SIPA1L3: variants seen among roughly 807,000 people sequenced by gnomAD.
SIPA1L3 encodes the protein signal-induced proliferation-associated 1-like protein 3.
A neutral mutation model predicts 150.1 loss-of-function variants in SIPA1L3; 59 were observed. The observed-to-expected ratio is 0.39, with a 90% CI of 0.32 to 0.49. The LOEUF (loss-of-function observed/expected upper bound fraction) is 0.49. Ranked by LOEUF, SIPA1L3 falls within the 20% of genes least tolerant of loss-of-function variation. SIPA1L3 has a pLI of 0.86. For synonymous variants in SIPA1L3, 1,070 were observed against 1,077.6 expected, an observed-to-expected ratio of 0.99 and a Z score of 0.14; for missense variants, 2,211 against 2,489.5, an observed-to-expected ratio of 0.89 and a Z score of 2.38.
At chr19:37,911,184 G>T (rs980686897) in intron 1 of SIPA1L3, among the ~76,000 whole-genome samples, 1 of 152,102 alleles carries the variant, frequency 6.6e-6, no homozygotes, top group Non-Finnish European at 1.5e-5. Context: ...CTCTGCCCTT[G>T]TGATTTGGAC....
At chr19:38,145,967 G>C (rs1231040564) in intron 12 of SIPA1L3, among the ~76,000 whole-genome samples, 1 of 151,864 alleles carries the variant, frequency 6.6e-6, no homozygotes, top group African/African-American at 2.4e-5. Context: ...GGCCCAAGCA[G>C]TCCTCCCATC....
At chr19:38,149,974 G>A (rs1971782411) in intron 12 of SIPA1L3, among the ~76,000 whole-genome samples, 1 of 152,132 alleles carries the variant, frequency 6.6e-6, no homozygotes, top group African/African-American at 2.4e-5. Flanking sequence ...GCGACTTTTT[G>A]GGAAAACTGA....
At chr19:38,144,900 A>T (rs1971672005) in intron 12 of SIPA1L3, among the ~76,000 whole-genome samples, 1 of 152,234 alleles carries the variant, frequency 6.6e-6, no homozygotes, top group Non-Finnish European at 1.5e-5. Context: ...AGGGACTAAT[A>T]GGAGTCTGCG....
chr19:37,918,796 A>G (rs1255942246), intron 1 of SIPA1L3, among the ~76,000 whole-genome samples: 2 of 151,878 alleles, frequency 1.3e-5, no homozygotes, highest in African/African-American at 4.8e-5. Context: ...AAACGAACCC[A>G]GGAGGCAGAG....
At chr19:38,202,074 G>A in intron 20 of SIPA1L3, 77 bp downstream of exon 20, 1 of 1,444,630 alleles carries the variant, frequency 6.9e-7, no homozygotes, top group Non-Finnish European at 9.3e-7. Flanking sequence ...CCAGAGAGAG[G>A]CAGCCATGTG....
At chr19:38,100,825 G>A (rs1260855471) in intron 5 of SIPA1L3, among the ~76,000 whole-genome samples, 2 of 152,260 alleles carry the variant, frequency 1.3e-5, no homozygotes, top group Non-Finnish European at 2.9e-5. Flanking sequence ...GCGAGAAGAG[G>A]CGGCCTGGAT....
intron 2 of SIPA1L3, among the ~76,000 whole-genome samples, chr19:38,038,815 ATTCAG>A (rs955701213): frequency 2.0e-5 from 3 of 152,156 alleles, no homozygotes; most frequent in Admixed American, 2.0e-4. Context: ...CCCTTGACCA[ATTCAG>A]TTAGAGTTAC....
Position 37,981,493 on chromosome 19 carries a change from C to T in SIPA1L3, c.-378-47596C>T, listed in dbSNP as rs551602979. On this transcript the variant is annotated intron_variant, in intron 1 of 21. Coordinates refer to ENST00000222345, the MANE Select transcript of SIPA1L3 (RefSeq NM_015073.3). ...AATACCTGCTCTGCCACTTCTTGTCCGTGTTGAGCAGGTTACTTAACCTCT... is the reference window on the plus strand; with the variant it reads ...AATACCTGCTCTGCCACTTCTTGTCTGTGTTGAGCAGGTTACTTAACCTCT... Among the ~76,000 whole-genome samples the T allele has an allele frequency of 3.9e-5, 6 of 151,908 alleles. No homozygotes were observed. In the South Asian group the frequency reaches 6.2e-4, roughly 16 times the overall value.
chr19:38,065,696 A>G (rs2145788928), intron 2 of SIPA1L3, among the ~76,000 whole-genome samples: 1 of 152,154 alleles, frequency 6.6e-6, no homozygotes, highest in Non-Finnish European at 1.5e-5. Context: ...TGCTGGGATT[A>G]CAGGCGTGAT....
intron 2 of SIPA1L3, among the ~76,000 whole-genome samples, chr19:38,061,719 G>T (rs898836623): frequency 6.6e-6 from 1 of 151,850 alleles, no homozygotes; most frequent in African/African-American, 2.4e-5. Flanking sequence ...CAGAGATGGG[G>T]CGGAGATGAA....
At chr19:38,121,493 C>A (rs1388583326) in intron 9 of SIPA1L3, among the ~76,000 whole-genome samples, 1 of 150,844 alleles carries the variant, frequency 6.6e-6, no homozygotes, top group Non-Finnish European at 1.5e-5. Context: ...GTAATCCCAG[C>A]ACTTTGGGAG....
At chr19:38,042,405 G>A (rs1047890503) in intron 2 of SIPA1L3, among the ~76,000 whole-genome samples, 11 of 151,992 alleles carry the variant, frequency 7.2e-5, no homozygotes, top group Admixed American at 2.0e-4. Flanking sequence ...TTTTTATTTC[G>A]CAGTGTTGCT....
intron 2 of SIPA1L3, among the ~76,000 whole-genome samples, chr19:38,066,194 T>A (rs542509812): frequency 6.0e-5 from 9 of 150,964 alleles, no homozygotes; most frequent in Admixed American, 1.3e-4. Flanking sequence ...AAAAAAAAAA[T>A]TTTTGTAGAG....
intron 18 of SIPA1L3, among the ~76,000 whole-genome samples, chr19:38,196,270 G>A (rs1972929830): frequency 6.6e-6 from 1 of 152,218 alleles, no homozygotes; most frequent in South Asian, 2.1e-4. Context: ...CAGCTGAGCA[G>A]TGAGACGCCA....
intron 1 of SIPA1L3, among the ~76,000 whole-genome samples, chr19:38,002,683 C>CACTCCAGCCTGGTGACAGAGCGAG (rs1967834692): frequency 7.9e-6 from 1 of 125,886 alleles, no homozygotes; most frequent in Non-Finnish European, 1.6e-5. Context: ...CACGCCACTG[C>CACTCCAGCCTGGTGACAGAGCGAG]ACTCCAGCCT....
chr19:38,025,116 C>A (rs1364326600), intron 1 of SIPA1L3, among the ~76,000 whole-genome samples: 1 of 152,178 alleles, frequency 6.6e-6, no homozygotes, highest in East Asian at 1.9e-4. Context: ...TCAGAAATTG[C>A]AGCAAAATGT....
rs188051534 is a variant in SIPA1L3 at position 37,928,071 on chromosome 19, G to C, written c.-379+20713G>C. On this transcript the variant is annotated intron_variant, in intron 1 of 21. Coordinates refer to ENST00000222345, the MANE Select transcript of SIPA1L3 (RefSeq NM_015073.3). ...AGAATGGTTCCTTTTCCTTTGGGTA[G>C]ATACCCAGAAATGGGATTGCTGGGT... 5.3e-5 allele frequency among the ~76,000 whole-genome samples: 8 copies of C among 152,220 alleles called. No individual in the cohort carries two copies. The East Asian group carries it at 1.5e-3, about 29-fold the overall frequency.
intron 10 of SIPA1L3, among the ~76,000 whole-genome samples, chr19:38,134,485 G>A (rs1452985480): frequency 6.8e-6 from 1 of 147,388 alleles, no homozygotes; most frequent in Non-Finnish European, 1.5e-5. Flanking sequence ...AAGGCGGGTG[G>A]ATCATGAGGT....
intron 15 of SIPA1L3, among the ~76,000 whole-genome samples, chr19:38,180,863 C>T (rs759667986): frequency 6.6e-6 from 1 of 152,014 alleles, no homozygotes; most frequent in Non-Finnish European, 1.5e-5. Context: ...ACTTTCAACT[C>T]CTTTTCTAGG....
Sources: allele counts gnomAD v4.1 joint callset (sites outside exome capture counted in the v4.1 genomes callset), GRCh38; gene constraint gnomAD v4.1.1; transcripts MANE v1.5; gene names NCBI Gene and HGNC (gene_info 2026-07-23, HGNC 2026-07-21).